The following GGT1 variants were observed in gnomAD, a reference collection of about 807,000 sequenced individuals.
The protein encoded by GGT1 is gamma-glutamyltransferase 1.
Under a neutral mutation model 56.0 loss-of-function variants are expected in GGT1, and 21 were observed. The observed-to-expected ratio is 0.38, with a 90% CI of 0.27 to 0.54. GGT1 has a LOEUF of 0.54. GGT1 is among the 20% of genes least tolerant of loss of function. GGT1 has a pLI of 0.82. For missense variants in GGT1, 466 were observed against 787.0 expected (o/e 0.59, Z 4.88); for synonymous variants, 238 against 342.6 (o/e 0.69, Z 3.37).
chr22:24,617,574 G>A (rs1397124685), intron 7 of GGT1, among the ~76,000 whole-genome samples: 1 of 151,978 alleles, frequency 6.6e-6, no homozygotes, highest in Admixed American at 6.6e-5. Flanking sequence ...TGGGTGTGAC[G>A]CTTGTGTAGG....
upstream of GGT1, chr22:24,592,564 A>AAC: frequency 2.2e-6 from 1 of 458,148 alleles, no homozygotes; most frequent in Non-Finnish European, 4.1e-6. Context: ...GGCCACCCTC[A>AAC]ACACACACAA....
At chr22:24,592,650 C>A, upstream of GGT1, 2 of 779,422 alleles carry the variant, frequency 2.6e-6, no homozygotes, top group Non-Finnish European at 3.7e-6. Flanking sequence ...TCACCCAGCC[C>A]TCACTCCAGG....
At chr22:24,607,709 G>A (rs2076800) in intron 1 of GGT1, 6 of 255,564 alleles carry the variant, frequency 2.3e-5, no homozygotes, top group Admixed American at 1.1e-4. Flanking sequence ...TGCTGGGCAC[G>A]CCCTGGCTGG....
the GGT1 span, chr22:24,589,159 G>A: frequency 8.6e-7 from 1 of 1,160,764 alleles, no homozygotes; most frequent in African/African-American, 1.7e-5. Context: ...GACTCACTGT[G>A]ACTAGGAGTC....
the GGT1 span, among the ~76,000 whole-genome samples, chr22:24,584,009 A>G: frequency 6.6e-6 from 1 of 152,366 alleles, no homozygotes; most frequent in Non-Finnish European, 1.5e-5. Context: ...TTTGATTTAA[A>G]TAATAGATTG....
At chr22:24,592,725 T>G (rs975266508), upstream of GGT1, 16 of 1,298,772 alleles carry the variant, frequency 1.2e-5, no homozygotes, top group African/African-American at 3.1e-5. Context: ...GGAACCCGCC[T>G]GCGCGCGCCA....
the GGT1 span, chr22:24,588,706 C>T: frequency 9.3e-7 from 1 of 1,080,852 alleles, no homozygotes; most frequent in East Asian, 6.5e-5. Flanking sequence ...AGACCAGGCC[C>T]CTCGAGGGAG....
At chr22:24,618,417 C>T (rs1258716769) in intron 7 of GGT1, among the ~76,000 whole-genome samples, 1 of 152,064 alleles carries the variant, frequency 6.6e-6, no homozygotes, top group Non-Finnish European at 1.5e-5. Flanking sequence ...ATGGCAAAAC[C>T]CCATCTGTAC....
chr22:24,626,587 C>T lies in GGT1; in HGVS notation c.1021-845C>T, dbSNP rs565394410. Among the ~76,000 whole-genome samples, 463 of 151,884 alleles carry T rather than the reference C, an allele frequency of 3.0e-3. 1 individual carries two copies. Among genetic ancestry groups the T allele is most frequent in the African/African-American group, 7.0e-3 (287 of 41,294 alleles). Reference sequence around the variant, plus strand: ...CTCCTGACCATCCCCAAACCTGCCCCTTCTGCAGGGTTTACCTCGCTAGTC... The same window carrying T: ...CTCCTGACCATCCCCAAACCTGCCCTTTCTGCAGGGTTTACCTCGCTAGTC... On this transcript the variant is annotated intron_variant, in intron 11 of 15. Transcript: ENST00000400382.
In GGT1 at chr22:24,614,918, G is replaced by A. The variant is rs12166510; in HGVS notation, c.295+12G>A. On this transcript the variant is annotated intron_variant, in intron 6 of 15. Coordinates refer to ENST00000400382, the MANE Select transcript of GGT1 (RefSeq NM_001288833.2). Reference sequence around the variant, plus strand: ...CAACAGCACCACACGTGAGTGCCTCGGGAGAGGAGAGGGAGAGGGGCAGGG... The same window carrying A: ...CAACAGCACCACACGTGAGTGCCTCAGGAGAGGAGAGGGAGAGGGGCAGGG... The A allele has an allele frequency of 0.011, 17,589 of 1,612,630 alleles. 1,560 individuals carry two copies. The African/African-American group carries it at 0.2, about 18-fold the overall frequency.
the GGT1 span, chr22:24,586,170 G>T: frequency 6.2e-7 from 1 of 1,613,596 alleles, no homozygotes; most frequent in East Asian, 2.2e-5. Flanking sequence ...GCAGTGGCCC[G>T]CGTCAGTCGG....
intron 2 of GGT1, chr22:24,609,014 C>G (rs1021207431): frequency 1.3e-5 from 2 of 152,186 alleles, no homozygotes; most frequent in Admixed American, 6.5e-5. Context: ...TGGCCCAGCT[C>G]CTGAGGCTCT....
chr22:24,590,015 C>T, upstream of GGT1: 3 of 1,475,434 alleles, frequency 2.0e-6, no homozygotes, highest in Non-Finnish European at 2.7e-6. Flanking sequence ...ACCACCCCAG[C>T]CAGCCAGATG....
chr22:24,613,580 C>G (rs1601699881), intron 5 of GGT1, among the ~76,000 whole-genome samples: 1 of 150,130 alleles, frequency 6.7e-6, no homozygotes. Context: ...TGCACTCTGT[C>G]CCTACTAAAA....
intron 5 of GGT1, 73 bp downstream of exon 5, chr22:24,611,318 C>G (rs901660396): frequency 1.1e-6 from 1 of 924,304 alleles, no homozygotes; most frequent in Non-Finnish European, 1.7e-6. Flanking sequence ...CTTCACCCCC[C>G]TGAGACTCAG....
chr22:24,589,201 C>A, the GGT1 span: 1 of 1,234,340 alleles, frequency 8.1e-7, no homozygotes. Context: ...GCCACACATC[C>A]TGGGGCTGTG....
chr22:24,594,385 GTGTGTA>G (rs1204499345), upstream of GGT1, among the ~76,000 whole-genome samples: 621 of 64,794 alleles, frequency 9.6e-3, 9 homozygotes, highest in African/African-American at 0.052. Flanking sequence ...CCAAGCACCC[GTGTGTA>G]TGTGTGTGTG....
At chr22:24,614,499 C>A (rs902462925) in intron 5 of GGT1, among the ~76,000 whole-genome samples, 2 of 150,540 alleles carry the variant, frequency 1.3e-5, no homozygotes, top group Admixed American at 1.3e-4. Context: ...ACCTGTAGTC[C>A]CAGCTACTCA....
the GGT1 span, chr22:24,589,702 G>T: frequency 8.4e-7 from 1 of 1,193,762 alleles, no homozygotes; most frequent in Non-Finnish European, 1.1e-6. Flanking sequence ...ACAGTGACTT[G>T]CCTAAGGCCA....
Sources: allele counts gnomAD v4.1 joint callset (sites outside exome capture counted in the v4.1 genomes callset), GRCh38; gene constraint gnomAD v4.1.1; transcripts MANE v1.5; gene names NCBI Gene and HGNC (gene_info 2026-07-23, HGNC 2026-07-21).